The following ZDHHC20 variants were observed in gnomAD, a reference collection of about 807,000 sequenced individuals.
ZDHHC20 encodes palmitoyltransferase ZDHHC20.
ZDHHC20 carries 43 observed loss-of-function variants against 57.8 expected under a neutral mutation model. The observed-to-expected ratio is 0.74, with a 90% confidence interval of 0.58 to 0.96. The LOEUF (loss-of-function observed/expected upper bound fraction) is 0.96, where lower values mean the gene tolerates loss of function less well. ZDHHC20 is among the 40% of genes least tolerant of loss of function. The pLI is 0.00. For missense variants in ZDHHC20, 391 were observed against 441.1 expected (o/e 0.89, Z 1.02); for synonymous variants, 157 against 153.0 (o/e 1.03, Z -0.19).
chr13:21,394,794 G>A (rs1486712582), intron 7 of ZDHHC20, among the ~76,000 whole-genome samples: 1 of 152,152 alleles, frequency 6.6e-6, no homozygotes, highest in Non-Finnish European at 1.5e-5. Context: ...AGCTAAGGGG[G>A]AAATCAAAAG....
chr13:21,398,943 G>T (rs889003320), intron 7 of ZDHHC20, among the ~76,000 whole-genome samples: 4 of 152,058 alleles, frequency 2.6e-5, no homozygotes, highest in Non-Finnish European at 5.9e-5. Context: ...AGACAGCCCA[G>T]GACTGAACCT....
At position 21,375,861 on chromosome 13, in the gene ZDHHC20, C is replaced by T. The variant is rs1156814913; in HGVS notation, c.*835G>A. On this transcript the variant is annotated 3_prime_UTR_variant, in exon 13 of 13. Coordinates refer to ENST00000400590, the MANE Select transcript of ZDHHC20 (RefSeq NM_001330059.2). ...TTCTGGACACCTATACTTCTTCCTA[C>T]TGTGTCCAGTATTCTCCAGCACATG... The T allele has an allele frequency of 6.6e-6, 1 of 152,232 alleles. No homozygotes were observed. Among genetic ancestry groups the T allele is most frequent in the Non-Finnish European group, 1.5e-5 (1 of 68,054 alleles). The allele number at this position is 152,232 out of a possible 1,614,324, so 9.4% of individuals were successfully genotyped here.
chr13:21,438,197 ATTAT>A (rs1882753463), intron 1 of ZDHHC20, among the ~76,000 whole-genome samples: 1 of 152,184 alleles, frequency 6.6e-6, no homozygotes, highest in African/African-American at 2.4e-5. Flanking sequence ...TTCAAGCCTT[ATTAT>A]TTATTTAAGA....
At position 21,419,609 on chromosome 13, in the gene ZDHHC20, G is replaced by A. The variant is rs553026928; in HGVS notation, c.249+1452C>T. Among the ~76,000 whole-genome samples, 7 of 152,290 alleles carry A rather than the reference G, an allele frequency of 4.6e-5. No homozygotes were observed. In the South Asian group the frequency reaches 1.4e-3, roughly 32 times the overall value. On this transcript the variant is annotated intron_variant, in intron 3 of 12. Transcript: ENST00000400590. ...AATGAAAGAAGCCACACACACATAT[G>A]ACTATGACTATACACATACACACAC...
Position 21,376,633 on chromosome 13 carries a change from C to A in ZDHHC20, c.*63G>T. The A allele has an allele frequency of 2.2e-6, 3 of 1,387,210 alleles. No individual in the cohort carries two copies. The highest frequency in any genetic ancestry group is 1.4e-5 in the South Asian group (1 of 71,116). The allele number at this position is 1,387,210 out of a possible 1,614,324, so 85.9% of individuals were successfully genotyped here. On this transcript the variant is annotated 3_prime_UTR_variant, in exon 13 of 13. Coordinates refer to ENST00000400590, the MANE Select transcript of ZDHHC20 (RefSeq NM_001330059.2). Reference sequence around the variant, plus strand: ...TCTTGCAAATGAAAATTGAAAATACCAGTCTATAATGTTTTCATACACCTA... The same window carrying A: ...TCTTGCAAATGAAAATTGAAAATACAAGTCTATAATGTTTTCATACACCTA...
At chr13:21,442,582 C>T (rs1186661709) in intron 1 of ZDHHC20, among the ~76,000 whole-genome samples, 1 of 152,094 alleles carries the variant, frequency 6.6e-6, no homozygotes, top group Non-Finnish European at 1.5e-5. Context: ...TGGTGAAACC[C>T]TGTCTCTACT....
chr13:21,447,579 C>T (rs1883882352), intron 1 of ZDHHC20, among the ~76,000 whole-genome samples: 1 of 146,168 alleles, frequency 6.8e-6, no homozygotes, highest in Non-Finnish European at 1.5e-5. Context: ...CTCGTTCACT[C>T]AGTGCTCAAT....
At chr13:21,442,827 G>C (rs1160039790) in intron 1 of ZDHHC20, among the ~76,000 whole-genome samples, 18 of 151,694 alleles carry the variant, frequency 1.2e-4, no homozygotes, top group Non-Finnish European at 2.6e-4. Context: ...TTTATGTCTG[G>C]ATACTGAATT....
intron 1 of ZDHHC20, among the ~76,000 whole-genome samples, chr13:21,448,573 C>T (rs1593284168): frequency 2.2e-5 from 2 of 90,420 alleles, no homozygotes; most frequent in African/African-American, 3.5e-5. Flanking sequence ...CCCGGCCAGC[C>T]GCCCCGTCCG....
At chr13:21,397,884 AG>A (rs910591403) in intron 7 of ZDHHC20, among the ~76,000 whole-genome samples, 49 of 152,172 alleles carry the variant, frequency 3.2e-4, no homozygotes, top group African/African-American at 1.2e-3. Context: ...GAGAGAATAA[AG>A]ACAGGAAATT....
chr13:21,436,948 T>C (rs946863393), intron 1 of ZDHHC20, among the ~76,000 whole-genome samples: 5 of 152,222 alleles, frequency 3.3e-5, no homozygotes, highest in Admixed American at 1.3e-4. Context: ...GCCCACGTTG[T>C]GTACGTGTAC....
At chr13:21,381,974 A>G (rs1320918771) in intron 10 of ZDHHC20, 1 of 514,788 alleles carries the variant, frequency 1.9e-6, no homozygotes, top group South Asian at 1.4e-5. Flanking sequence ...TCAGTGATTT[A>G]GCGTAGACTT....
chr13:21,391,747 TA>T lies in ZDHHC20; in HGVS notation c.701del (p.Leu234GlnfsTer9). The T allele has an allele frequency of 6.2e-7, 1 of 1,610,118 alleles. No homozygotes were observed. The highest frequency in any genetic ancestry group is 8.5e-7 in the Non-Finnish European group (1 of 1,179,282). On this transcript the variant is annotated frameshift_variant, in exon 8 of 13. Transcript: ENST00000400590. LOFTEE classifies it high-confidence loss of function. ...VLSLFSYHCWLVGKNRTTIES... is the reference protein window; with the variant it reads ...VLSLFSYHCWXVGKNRTTIES... ...CTATTGTTGTTCTATTTTTTCCAAC[TA>T]GCCAGCAGTGGTAGCTGAAAAGTGA...
chr13:21,423,359 C>G (rs1347513551), intron 2 of ZDHHC20, among the ~76,000 whole-genome samples: 3 of 152,172 alleles, frequency 2.0e-5, no homozygotes, highest in African/African-American at 7.2e-5. Context: ...GGTTGAACCC[C>G]ATGGTGTACC....
chr13:21,391,699 AT>A, intron 8 of ZDHHC20, 22 bp downstream of exon 8: 4 of 1,587,370 alleles, frequency 2.5e-6, no homozygotes, highest in Non-Finnish European at 3.4e-6. Flanking sequence ...CTAAGTAATT[AT>A]AATTTATTTT....
chr13:21,391,807 GAA>G lies in ZDHHC20; in HGVS notation c.640_641del (p.Phe214LeufsTer25). 1 of 1,612,914 alleles carries G rather than the reference GAA, an allele frequency of 6.2e-7. No individual in the cohort carries two copies. Among genetic ancestry groups the G allele is most frequent in the Non-Finnish European group, 8.5e-7 (1 of 1,179,580 alleles). On this transcript the variant is annotated frameshift_variant, in exon 8 of 13. Transcript: ENST00000400590. LOFTEE classifies it high-confidence loss of function. The part of the protein sequence containing the change: ...TRAKFHVLFL[F>X]FVSAMFFISV... Reference sequence around the variant, plus strand: ...TGATGAAGAACATTGCAGACACAAAGAAAAGAAAAAGTACGTGGAATTTTGCA... The same window carrying G: ...TGATGAAGAACATTGCAGACACAAAGAAGAAAAAGTACGTGGAATTTTGCA...
chr13:21,431,079 C>T (rs572477659), intron 1 of ZDHHC20, among the ~76,000 whole-genome samples: 12 of 152,202 alleles, frequency 7.9e-5, no homozygotes, highest in Non-Finnish European at 1.0e-4. Context: ...TATGATTACT[C>T]GTGTATTCAC....
intron 1 of ZDHHC20, among the ~76,000 whole-genome samples, chr13:21,432,561 T>C (rs761062180): frequency 2.4e-4 from 37 of 152,178 alleles, no homozygotes; most frequent in Non-Finnish European, 3.5e-4. Flanking sequence ...CTGGATCTCC[T>C]GACCTCGTGA....
intron 9 of ZDHHC20, 23 bp from the exon 10 acceptor site, chr13:21,383,032 A>C (rs768463546): frequency 2.0e-5 from 31 of 1,537,984 alleles, no homozygotes; most frequent in Non-Finnish European, 2.7e-5. Context: ...AAAGAGTAAT[A>C]ATTTAAATAA....
Sources: gnomAD v4.1 joint callset for allele counts (sites outside exome capture counted in the v4.1 genomes callset) on GRCh38, gnomAD v4.1.1 for gene constraint, MANE v1.5 for transcripts, NCBI Gene and HGNC (gene_info 2026-07-23, HGNC 2026-07-21) for gene names.